The following FBXL7 variants were observed in gnomAD, a reference collection of about 807,000 sequenced individuals.
FBXL7 encodes F-box/LRR-repeat protein 7.
Under a neutral mutation model 38.3 loss-of-function variants are expected in FBXL7, and 12 were observed. The ratio of observed to expected loss-of-function variants is 0.31; its 90% CI spans 0.20 to 0.51. The LOEUF (loss-of-function observed/expected upper bound fraction) is 0.51. Among genes scored for constraint, FBXL7 ranks in the 20% least tolerant of loss-of-function variants. The pLI, the probability that FBXL7 is intolerant of heterozygous loss-of-function variation, is 0.98. For synonymous variants in FBXL7, 297 were observed against 300.9 expected, an observed-to-expected ratio of 0.99 and a Z score of 0.13; for missense variants, 567 against 676.4, an observed-to-expected ratio of 0.84 and a Z score of 1.79.
intron 2 of FBXL7, among the ~76,000 whole-genome samples, chr5:15,733,849 C>G (rs1735676387): frequency 6.6e-6 from 1 of 152,150 alleles, no homozygotes; most frequent in African/African-American, 2.4e-5. Context: ...TGGCTCAGGC[C>G]TATAATCCCA....
intron 1 of FBXL7, among the ~76,000 whole-genome samples, chr5:15,528,969 G>C (rs939457034): frequency 3.3e-5 from 5 of 152,096 alleles, no homozygotes; most frequent in Admixed American, 6.6e-5. Context: ...CAATTTTTAA[G>C]TATACATTAT....
At chr5:15,506,496 G>A (rs553334448) in intron 1 of FBXL7, among the ~76,000 whole-genome samples, 1 of 152,228 alleles carries the variant, frequency 6.6e-6, no homozygotes, top group Admixed American at 6.5e-5. Context: ...TGGATAAGGG[G>A]GACTTCTGTA....
intron 1 of FBXL7, among the ~76,000 whole-genome samples, chr5:15,597,360 G>A (rs920193738): frequency 8.6e-5 from 13 of 151,948 alleles, no homozygotes; most frequent in African/African-American, 2.2e-4. Flanking sequence ...AGGGACAGGA[G>A]GGAAAATACT....
chr5:15,871,672 C>T (rs908968890), intron 2 of FBXL7, among the ~76,000 whole-genome samples: 9 of 151,936 alleles, frequency 5.9e-5, no homozygotes, highest in Non-Finnish European at 1.2e-4. Flanking sequence ...GTATCAATAG[C>T]TGAATTGATC....
chr5:15,736,611 A>G (rs907599750), intron 2 of FBXL7, among the ~76,000 whole-genome samples: 1 of 152,218 alleles, frequency 6.6e-6, no homozygotes, highest in Non-Finnish European at 1.5e-5. Context: ...TTGCTACTTC[A>G]TCTTTGTCCC....
At chr5:15,858,086 T>C (rs556351189) in intron 2 of FBXL7, among the ~76,000 whole-genome samples, 5 of 152,190 alleles carry the variant, frequency 3.3e-5, no homozygotes, top group East Asian at 3.9e-4. Flanking sequence ...TCCAGTCTTA[T>C]TCCTTTTTTT....
At position 15,818,542 on chromosome 5, in the gene FBXL7, CAAGT is replaced by C. The variant is rs1231045132; in HGVS notation, c.128-109342_128-109339del. Among the ~76,000 whole-genome samples, 43 of 152,114 alleles carry C rather than the reference CAAGT, an allele frequency of 2.8e-4. 1 individual carries two copies. In the East Asian group the frequency reaches 7.7e-3, roughly 27 times the overall value. ...TTTTAAGTGATATAGAAAAAATAATCAAGTAAGTATTTTAAAATATGTTTCTTAT... is the reference window on the plus strand; with the variant it reads ...TTTTAAGTGATATAGAAAAAATAATCAAGTATTTTAAAATATGTTTCTTAT... On this transcript the variant is annotated intron_variant, in intron 2 of 3. Transcript: ENST00000504595.
intron 1 of FBXL7, among the ~76,000 whole-genome samples, chr5:15,595,394 A>G (rs1430537565): frequency 6.6e-6 from 1 of 152,158 alleles, no homozygotes. Flanking sequence ...AGTGTGGGGA[A>G]TTGCAGGCAG....
chr5:15,857,974 G>A (rs765603403), intron 2 of FBXL7, among the ~76,000 whole-genome samples: 36 of 152,146 alleles, frequency 2.4e-4, no homozygotes, highest in Non-Finnish European at 4.3e-4. Flanking sequence ...AATAGAAACA[G>A]GTAAGTTAAA....
At chr5:15,616,429 G>A (rs1406296191) in intron 2 of FBXL7, among the ~76,000 whole-genome samples, 1 of 152,136 alleles carries the variant, frequency 6.6e-6, no homozygotes, top group Non-Finnish European at 1.5e-5. Flanking sequence ...TGTTCCTGGA[G>A]GAACTTTCAA....
At chr5:15,927,795 A>G in intron 2 of FBXL7, 95 bp from the exon 3 acceptor site, 1 of 882,364 alleles carries the variant, frequency 1.1e-6, no homozygotes, top group Non-Finnish European at 1.5e-6. Context: ...AAAGAAGAAG[A>G]AAGAAAAGAA....
At chr5:15,661,176 A>G (rs1487652635) in intron 2 of FBXL7, among the ~76,000 whole-genome samples, 3 of 152,164 alleles carry the variant, frequency 2.0e-5, no homozygotes, top group Admixed American at 1.3e-4. Context: ...CTTTAGGATG[A>G]CACAAATTCA....
intron 1 of FBXL7, among the ~76,000 whole-genome samples, chr5:15,610,272 G>A (rs1295755222): frequency 6.6e-6 from 1 of 152,152 alleles, no homozygotes; most frequent in Non-Finnish European, 1.5e-5. Flanking sequence ...ATCCCAGAGA[G>A]GGAAACCAAA....
At chr5:15,801,544 A>G (rs554980971) in intron 2 of FBXL7, among the ~76,000 whole-genome samples, 208 of 152,272 alleles carry the variant, frequency 1.4e-3, no homozygotes, top group African/African-American at 4.7e-3. Flanking sequence ...CTGATGCAAA[A>G]TCCTTCATCT....
chr5:15,713,763 C>T (rs956402849), intron 2 of FBXL7, among the ~76,000 whole-genome samples: 2 of 152,080 alleles, frequency 1.3e-5, no homozygotes, highest in Non-Finnish European at 2.9e-5. Context: ...TCTGAGACAG[C>T]AGTGCACAAT....
At chr5:15,501,176 C>G (rs897885391) in intron 1 of FBXL7, among the ~76,000 whole-genome samples, 1 of 152,152 alleles carries the variant, frequency 6.6e-6, no homozygotes, top group Non-Finnish European at 1.5e-5. Context: ...TTGCTCGCTG[C>G]TCCTGCTCTG....
At chr5:15,772,023 G>A (rs1030095910) in intron 2 of FBXL7, among the ~76,000 whole-genome samples, 1 of 151,864 alleles carries the variant, frequency 6.6e-6, no homozygotes. Context: ...CACCCGCCTG[G>A]GCCTCCCAAA....
At chr5:15,678,718 T>C (rs944829240) in intron 2 of FBXL7, among the ~76,000 whole-genome samples, 1 of 152,158 alleles carries the variant, frequency 6.6e-6, no homozygotes, top group Non-Finnish European at 1.5e-5. Context: ...TCTGATGTTT[T>C]TATAAGGGAT....
At chr5:15,623,527 A>G (rs148598557) in intron 2 of FBXL7, among the ~76,000 whole-genome samples, 24 of 152,296 alleles carry the variant, frequency 1.6e-4, no homozygotes, top group African/African-American at 5.5e-4. Flanking sequence ...TCAGTGCCCA[A>G]ATTAGATCAG....
Sources: allele counts gnomAD v4.1 joint callset (sites outside exome capture counted in the v4.1 genomes callset), GRCh38; gene constraint gnomAD v4.1.1; transcripts MANE v1.5; gene names NCBI Gene and HGNC (gene_info 2026-07-23, HGNC 2026-07-21).